Variants in SYNPR observed in about 807,000 individuals in gnomAD.
SYNPR encodes synaptoporin.
A neutral mutation model predicts 32.9 loss-of-function variants in SYNPR; 23 were observed. That is an observed-to-expected ratio of 0.70 (90% CI 0.50 to 0.99). The LOEUF is 0.99. SYNPR is among the 50% of genes least tolerant of loss of function. The pLI, the probability that SYNPR is intolerant of heterozygous loss-of-function variation, is 0.00. For synonymous variants in SYNPR, 146 were observed against 135.9 expected, an observed-to-expected ratio of 1.07 and a Z score of -0.52; for missense variants, 318 against 349.3, an observed-to-expected ratio of 0.91 and a Z score of 0.71.
At chr3:63,229,794 A>G (rs2086153889) in intron 1 of SYNPR, among the ~76,000 whole-genome samples, 1 of 151,278 alleles carries the variant, frequency 6.6e-6, no homozygotes, top group Non-Finnish European at 1.5e-5. Context: ...TCTAAGAACT[A>G]TTATGTTGGT....
intron 1 of SYNPR, among the ~76,000 whole-genome samples, chr3:63,242,963 C>G (rs1184188398): frequency 4.0e-5 from 6 of 151,798 alleles, no homozygotes; most frequent in African/African-American, 1.5e-4. Flanking sequence ...ACTGGTTGAA[C>G]AATAGCGCAT....
intron 2 of SYNPR, among the ~76,000 whole-genome samples, chr3:63,264,925 A>ATG (rs1390791862): frequency 1.9e-5 from 1 of 53,526 alleles, no homozygotes; most frequent in Non-Finnish European, 5.1e-5. Context: ...TCTCAGAATC[A>ATG]TGGGGGAGCC....
chr3:63,482,781 T>C (rs1345797471), intron 3 of SYNPR, among the ~76,000 whole-genome samples: 1 of 152,212 alleles, frequency 6.6e-6, no homozygotes, highest in Non-Finnish European at 1.5e-5. Context: ...ATTTCAATTT[T>C]ACATTTGTAT....
At chr3:63,521,109 G>C (rs2106772405) in intron 3 of SYNPR, among the ~76,000 whole-genome samples, 1 of 152,284 alleles carries the variant, frequency 6.6e-6, no homozygotes, top group South Asian at 2.1e-4. Context: ...TGCTGTGTCT[G>C]CTCTCTCCAT....
At chr3:63,283,679 C>G (rs1298159152) in intron 2 of SYNPR, among the ~76,000 whole-genome samples, 1 of 132,932 alleles carries the variant, frequency 7.5e-6, no homozygotes, top group Non-Finnish European at 1.5e-5. Context: ...CGATGGAGGG[C>G]AGTGATAAAA....
At chr3:63,264,772 G>T (rs892662768) in intron 2 of SYNPR, among the ~76,000 whole-genome samples, 1 of 152,108 alleles carries the variant, frequency 6.6e-6, no homozygotes, top group African/African-American at 2.4e-5. Flanking sequence ...CAATCGTAGC[G>T]GAAGGCAAAG....
rs934331799 is a variant in SYNPR, at chr3:63,311,490, G to T, written c.84+32748G>T. 2.0e-5 allele frequency among the ~76,000 whole-genome samples: 3 copies of T among 152,124 alleles called. No individual in the cohort carries two copies. The East Asian group carries it at 5.8e-4, about 30-fold the overall frequency. ...AGCAGCATTCACCCTATTGTGAACT[G>T]TGCAAGTGAGGGATCTAGGTTGCAT... On this transcript the variant is annotated intron_variant, in intron 2 of 5. Transcript: ENST00000478300.
At chr3:63,224,464 G>A (rs1313043573), upstream of SYNPR, among the ~76,000 whole-genome samples, 1 of 152,146 alleles carries the variant, frequency 6.6e-6, no homozygotes, top group Admixed American at 6.6e-5. Flanking sequence ...TACCAGGAGA[G>A]GGAAGTAAGG....
chr3:63,282,966 C>G (rs1484690003), intron 2 of SYNPR, among the ~76,000 whole-genome samples: 1 of 151,996 alleles, frequency 6.6e-6, no homozygotes, highest in African/African-American at 2.4e-5. Flanking sequence ...TGTATGAACA[C>G]AGAGGGAAGT....
chr3:63,495,458 A>G (rs532119087), intron 3 of SYNPR, among the ~76,000 whole-genome samples: 1 of 152,298 alleles, frequency 6.6e-6, no homozygotes, highest in African/African-American at 2.4e-5. Context: ...AAGTGCAGAG[A>G]ATCACTTTTC....
intron 2 of SYNPR, among the ~76,000 whole-genome samples, chr3:63,340,193 G>A (rs1236709282): frequency 6.6e-6 from 1 of 152,082 alleles, no homozygotes; most frequent in Non-Finnish European, 1.5e-5. Flanking sequence ...ATGGTGTATA[G>A]TTTGTTAACC....
intron 2 of SYNPR, among the ~76,000 whole-genome samples, chr3:63,366,578 A>G (rs575720141): frequency 6.6e-6 from 1 of 152,316 alleles, no homozygotes; most frequent in East Asian, 1.9e-4. Flanking sequence ...AAGAAAATAA[A>G]CCAATATAAG....
At chr3:63,242,798 C>T (rs1241078094) in intron 1 of SYNPR, among the ~76,000 whole-genome samples, 1 of 151,868 alleles carries the variant, frequency 6.6e-6, no homozygotes, top group Non-Finnish European at 1.5e-5. Flanking sequence ...CTGAAAAAGA[C>T]TTTATTTTTA....
intron 2 of SYNPR, among the ~76,000 whole-genome samples, chr3:63,281,904 C>G (rs369248336): frequency 6.6e-6 from 1 of 151,972 alleles, no homozygotes; most frequent in South Asian, 2.1e-4. Context: ...ATGAATTAGC[C>G]AGGGATGGTG....
At chr3:63,407,165 G>C (rs77963254) in intron 2 of SYNPR, among the ~76,000 whole-genome samples, 2 of 152,132 alleles carry the variant, frequency 1.3e-5, no homozygotes, top group Non-Finnish European at 2.9e-5. Flanking sequence ...TTGATTTTCC[G>C]TGGAGAAATC....
intron 2 of SYNPR, among the ~76,000 whole-genome samples, chr3:63,265,406 C>A (rs2086477166): frequency 6.6e-6 from 1 of 151,988 alleles, no homozygotes; most frequent in Non-Finnish European, 1.5e-5. Context: ...CAACTGCCAC[C>A]ATGCCTAGCT....
intron 2 of SYNPR, among the ~76,000 whole-genome samples, chr3:63,370,669 T>G (rs2087801178): frequency 6.6e-6 from 1 of 152,236 alleles, no homozygotes; most frequent in Admixed American, 6.5e-5. Context: ...TAGATGGATC[T>G]CTCAGCACTT....
Position 63,615,192 on chromosome 3 carries a change from C to G in SYNPR, c.601-32C>G, listed in dbSNP as rs370293915. On this transcript the variant is annotated intron_variant, in intron 5 of 5. Coordinates refer to ENST00000478300, the MANE Select transcript of SYNPR (RefSeq NM_001130003.2). ...AATTTTTCTTGGGTTTTTGTCTAGT[C>G]TATCAATTCATTGGCTTTGATTCTC... The G allele has an allele frequency of 3.1e-6, 5 of 1,604,116 alleles. No individual in the cohort carries two copies. In the South Asian group the frequency reaches 3.3e-5, roughly 11 times the overall value.
intron 1 of SYNPR, among the ~76,000 whole-genome samples, chr3:63,231,735 A>C (rs1006360068): frequency 6.6e-6 from 1 of 152,200 alleles, no homozygotes; most frequent in Admixed American, 6.5e-5. Flanking sequence ...GAAGCTGCCA[A>C]AAAAGCACAT....
Sources: allele counts gnomAD v4.1 joint callset (sites outside exome capture counted in the v4.1 genomes callset), GRCh38; gene constraint gnomAD v4.1.1; transcripts MANE v1.5; gene names NCBI Gene and HGNC (gene_info 2026-07-23, HGNC 2026-07-21).